The following EPHB2 variants were observed in gnomAD, a reference collection of about 807,000 sequenced individuals.
EPHB2 encodes the protein ephrin type-B receptor 2.
EPHB2 carries 18 observed loss-of-function variants against 96.4 expected under a neutral mutation model. The observed-to-expected ratio is 0.19, with a 90% CI of 0.13 to 0.28. EPHB2 has a LOEUF of 0.28. Among genes scored for constraint, EPHB2 ranks in the 10% least tolerant of loss-of-function variants. The pLI is 1.00. For missense variants in EPHB2, 989 were observed against 1,355.4 expected (o/e 0.73, Z 4.25); for synonymous variants, 506 against 534.1 (o/e 0.95, Z 0.72).
At chr1:22,748,037 C>T (rs1644002385) in intron 1 of EPHB2, among the ~76,000 whole-genome samples, 1 of 152,208 alleles carries the variant, frequency 6.6e-6, no homozygotes, top group Non-Finnish European at 1.5e-5. Context: ...ACTGAATTTC[C>T]TAGTTCACAT....
chr1:22,865,616 C>A (rs1207838139), intron 5 of EPHB2, among the ~76,000 whole-genome samples: 1 of 152,162 alleles, frequency 6.6e-6, no homozygotes, highest in Non-Finnish European at 1.5e-5. Flanking sequence ...TGCTCCTTGT[C>A]TGTATGATTC....
chr1:22,804,469 G>A lies in EPHB2; in HGVS notation c.811+19393G>A, dbSNP rs561090373. 2.9e-4 allele frequency among the ~76,000 whole-genome samples: 44 copies of A among 152,122 alleles called. No homozygotes were observed. The South Asian group carries it at 6.4e-3, about 22-fold the overall frequency. On this transcript the variant is annotated intron_variant, in intron 3 of 15. Coordinates refer to ENST00000374630, the MANE Select transcript of EPHB2 (RefSeq NM_017449.5). ...GTGTGTGAAGCCAAGAGATCAAGAC[G>A]AGACACCCCAGTCTGCCTGGGCCTG...
At chr1:22,908,613 T>G (rs1323498332) in intron 12 of EPHB2, among the ~76,000 whole-genome samples, 2 of 152,184 alleles carry the variant, frequency 1.3e-5, no homozygotes, top group African/African-American at 4.8e-5. Context: ...GACTCTCTCC[T>G]GAAAGCAGCA....
intron 5 of EPHB2, among the ~76,000 whole-genome samples, chr1:22,880,055 G>A (rs1011779080): frequency 5.3e-5 from 8 of 152,112 alleles, no homozygotes; most frequent in East Asian, 1.9e-4. Flanking sequence ...GCTCATTCTC[G>A]GTGTCAAGGG....
At chr1:22,756,156 G>A (rs898111650) in intron 1 of EPHB2, among the ~76,000 whole-genome samples, 3 of 152,096 alleles carry the variant, frequency 2.0e-5, no homozygotes, top group Non-Finnish European at 4.4e-5. Flanking sequence ...GGGCGGCTGG[G>A]GCTAGCTCAG....
chr1:22,780,588 C>T (rs1644515199), intron 1 of EPHB2, among the ~76,000 whole-genome samples: 1 of 152,182 alleles, frequency 6.6e-6, no homozygotes, highest in Non-Finnish European at 1.5e-5. Context: ...GGGGTCTCAG[C>T]TGGGACACAA....
At chr1:22,810,975 C>T (rs1045526446) in intron 3 of EPHB2, among the ~76,000 whole-genome samples, 4 of 152,150 alleles carry the variant, frequency 2.6e-5, no homozygotes, top group Non-Finnish European at 2.9e-5. Flanking sequence ...TGTTCCCTGC[C>T]CCTTGGAGTG....
rs778072413 is a variant in EPHB2, at chr1:22,860,084, C to G, written c.812-2953C>G. Among the ~76,000 whole-genome samples the G allele has an allele frequency of 2.1e-4, 32 of 152,304 alleles. No homozygotes were observed. Among genetic ancestry groups the G allele is most frequent in the Non-Finnish European group, 4.4e-4 (30 of 68,028 alleles). On this transcript the variant is annotated intron_variant, in intron 3 of 15. Coordinates refer to ENST00000374630, the MANE Select transcript of EPHB2 (RefSeq NM_017449.5). The surrounding 1 kb of genome is among the most constrained non-coding windows in gnomAD (Gnocchi z 4.6). The stretch of plus-strand genomic sequence containing the variant: ...TGTCCAGGGTTCACCTGTACCGTAG[C>G]ATGTGTCAATGCTTCGTTCCTTTTT...
At position 22,795,860 on chromosome 1, in the gene EPHB2, C is replaced by G. The variant is rs545313295; in HGVS notation, c.811+10784C>G. On this transcript the variant is annotated intron_variant, in intron 3 of 15. Coordinates refer to ENST00000374630, the MANE Select transcript of EPHB2 (RefSeq NM_017449.5). The stretch of plus-strand genomic sequence containing the variant: ...TAAGATGTCCAATCAGACAGCTCCC[C>G]CCGCCGGGGGAGGTTTTCCGGGACC... 2.6e-5 allele frequency among the ~76,000 whole-genome samples: 4 copies of G among 152,210 alleles called. No individual in the cohort carries two copies. In the East Asian group the frequency reaches 7.8e-4, roughly 30 times the overall value.
At chr1:22,773,074 C>G (rs959118654) in intron 1 of EPHB2, among the ~76,000 whole-genome samples, 2 of 152,244 alleles carry the variant, frequency 1.3e-5, no homozygotes, top group Admixed American at 1.3e-4. Flanking sequence ...CCACCTTTCC[C>G]TATGGTTCTG....
At chr1:22,765,542 G>A (rs1265599186) in intron 1 of EPHB2, among the ~76,000 whole-genome samples, 3 of 49,372 alleles carry the variant, frequency 6.1e-5, no homozygotes, top group African/African-American at 2.7e-4. Flanking sequence ...GAGAGACCCT[G>A]TCGCAAAAAA....
chr1:22,771,633 C>A (rs1008972162), intron 1 of EPHB2, among the ~76,000 whole-genome samples: 2 of 152,202 alleles, frequency 1.3e-5, no homozygotes, highest in Non-Finnish European at 2.9e-5. Context: ...ATGGCCCTGA[C>A]AATTGGTCCT....
At chr1:22,842,388 A>G (rs1481440276) in intron 3 of EPHB2, among the ~76,000 whole-genome samples, 1 of 152,056 alleles carries the variant, frequency 6.6e-6, no homozygotes, top group Non-Finnish European at 1.5e-5. Context: ...AAGGCTGAAG[A>G]ACTTACTTAT....
At chr1:22,826,506 TCC>T (rs1473746041) in intron 3 of EPHB2, among the ~76,000 whole-genome samples, 4 of 152,204 alleles carry the variant, frequency 2.6e-5, no homozygotes, top group African/African-American at 9.7e-5. Context: ...AACACTTCTC[TCC>T]CAGTGATCTC....
chr1:22,868,455 A>C (rs1200177546), intron 5 of EPHB2, among the ~76,000 whole-genome samples: 1 of 152,198 alleles, frequency 6.6e-6, no homozygotes, highest in Non-Finnish European at 1.5e-5. Context: ...CAGTAGTTTA[A>C]ACAATAAATA....
At chr1:22,898,631 C>T (rs1639647062) in intron 9 of EPHB2, among the ~76,000 whole-genome samples, 2 of 152,106 alleles carry the variant, frequency 1.3e-5, no homozygotes, top group South Asian at 2.1e-4. Flanking sequence ...ACGGCCTTGG[C>T]GGGACTTCTC....
At chr1:22,891,309 C>T (rs965594890) in intron 6 of EPHB2, 3 of 418,216 alleles carry the variant, frequency 7.2e-6, no homozygotes, top group Admixed American at 5.1e-5. Flanking sequence ...TCAAGGGCTC[C>T]GTGCACTCTG....
intron 3 of EPHB2, among the ~76,000 whole-genome samples, chr1:22,819,155 C>A (rs529829035): frequency 6.6e-6 from 1 of 151,828 alleles, no homozygotes; most frequent in East Asian, 1.9e-4. Flanking sequence ...TAGATGACTT[C>A]TCAGGGCCTT....
At chr1:22,822,918 C>T (rs771883110) in intron 3 of EPHB2, among the ~76,000 whole-genome samples, 3 of 152,346 alleles carry the variant, frequency 2.0e-5, no homozygotes, top group East Asian at 1.9e-4. Context: ...GTTCCCTCTG[C>T]GTGGCAGAGA....
Sources: allele counts gnomAD v4.1 joint callset (sites outside exome capture counted in the v4.1 genomes callset), GRCh38; gene constraint gnomAD v4.1.1; non-coding constraint Gnocchi (gnomAD v3.1); transcripts MANE v1.5; gene names NCBI Gene and HGNC (gene_info 2026-07-23, HGNC 2026-07-21).